Variants in MAP4 observed in about 807,000 individuals in gnomAD.
MAP4 encodes the protein microtubule associated protein 4.
In MAP4, 76 loss-of-function variants were observed where a neutral mutation model predicts 170.2. That is an observed-to-expected ratio of 0.45 (90% CI 0.37 to 0.54). MAP4 has a LOEUF of 0.54. Among genes scored for constraint, MAP4 ranks in the 20% least tolerant of loss-of-function variants. MAP4 has a pLI of 0.00. For missense variants in MAP4, 2,506 were observed against 2,748.0 expected (o/e 0.91, Z 1.97); for synonymous variants, 909 against 994.5 (o/e 0.91, Z 1.62).
intron 1 of MAP4, among the ~76,000 whole-genome samples, chr3:48,079,668 A>C (rs1424964194): frequency 3.0e-5 from 4 of 135,324 alleles, no homozygotes; most frequent in Admixed American, 1.5e-4. Context: ...AAGAAAAAAA[A>C]AGCCGGGTGC....
Position 47,870,804 on chromosome 3 carries a change from T to C in MAP4, c.6294+9A>G, listed in dbSNP as rs2090320161. 6.5e-7 allele frequency: 1 copy of C among 1,538,182 alleles called. No individual in the cohort carries two copies. Among genetic ancestry groups the C allele is most frequent in the South Asian group, 1.3e-5 (1 of 78,814 alleles). ...CAGCATGCCAGGACCCCAAGCTCCC[T>C]GGACCCACCCGGCCTCCTCCAGGCT... On this transcript the variant is annotated intron_variant, in intron 15 of 20. Coordinates refer to ENST00000683076, the MANE Select transcript of MAP4 (RefSeq NM_001385682.1).
intron 6 of MAP4, among the ~76,000 whole-genome samples, chr3:47,917,609 A>C (rs553107082): frequency 7.1e-4 from 107 of 151,656 alleles, no homozygotes; most frequent in Non-Finnish European, 1.3e-3. Flanking sequence ...AAAAAAGAAG[A>C]AGAAGCTAAT....
rs1011855972 is a variant in MAP4, at chr3:48,062,207, G to A, written c.-20+26566C>T. On this transcript the variant is annotated intron_variant, in intron 1 of 18. Coordinates refer to the MAP4 transcript ENST00000360240. ...TGATCTATGACCTTACCCCCAACCC[G>A]GTGCTCTCTGAAACATGTGCTGTGT... Among the ~76,000 whole-genome samples, 967 of 151,636 alleles carry A rather than the reference G, an allele frequency of 6.4e-3. 3 individuals carry two copies. Among genetic ancestry groups the A allele is most frequent in the Non-Finnish European group, 9.6e-3 (650 of 67,792 alleles).
chr3:47,896,703 AAAAAC>A (rs1323974785), intron 10 of MAP4, among the ~76,000 whole-genome samples: 3 of 152,234 alleles, frequency 2.0e-5, no homozygotes, highest in Non-Finnish European at 4.4e-5. Context: ...AAAGACAGAC[AAAAAC>A]AAAACAAAAC....
chr3:48,051,724 C>A (rs1372051768), intron 1 of MAP4, among the ~76,000 whole-genome samples: 1 of 152,176 alleles, frequency 6.6e-6, no homozygotes, highest in Non-Finnish European at 1.5e-5. Context: ...AGGCTCTAGA[C>A]TAGGGTTCAT....
At chr3:48,062,059 G>C (rs1428274978) in intron 1 of MAP4, among the ~76,000 whole-genome samples, 3 of 152,194 alleles carry the variant, frequency 2.0e-5, no homozygotes, top group African/African-American at 4.8e-5. Flanking sequence ...GAGTAGAAAG[G>C]GGGGAAATGT....
chr3:48,045,526 A>G (rs1367924190), intron 1 of MAP4, among the ~76,000 whole-genome samples: 1 of 152,108 alleles, frequency 6.6e-6, no homozygotes, highest in Middle Eastern at 3.2e-3. Context: ...TCTGAGGTGG[A>G]AGAGTTTTAT....
chr3:48,033,512 G>T (rs1323642832), intron 1 of MAP4, among the ~76,000 whole-genome samples: 1 of 152,016 alleles, frequency 6.6e-6, no homozygotes, highest in Non-Finnish European at 1.5e-5. Context: ...TTTAATTGAA[G>T]TGAAGTTTAC....
At chr3:48,004,682 G>A (rs537025284) in intron 1 of MAP4, among the ~76,000 whole-genome samples, 1 of 152,318 alleles carries the variant, frequency 6.6e-6, no homozygotes, top group East Asian at 1.9e-4. Flanking sequence ...CTGCTAAAGT[G>A]AGGGCATTGA....
intron 10 of MAP4, chr3:47,891,729 TGATTGGCG>T: frequency 6.5e-7 from 1 of 1,536,616 alleles, no homozygotes; most frequent in Non-Finnish European, 8.7e-7. Flanking sequence ...AACACCATAG[TGATTGGCG>T]GAATGGTGGT....
intron 1 of MAP4, among the ~76,000 whole-genome samples, chr3:48,069,934 T>C (rs890148195): frequency 6.6e-6 from 1 of 152,120 alleles, no homozygotes; most frequent in South Asian, 2.1e-4. Context: ...AAGTGTGAGA[T>C]TATCCCTTTT....
At chr3:47,953,495 C>G (rs1039250682) in intron 3 of MAP4, among the ~76,000 whole-genome samples, 2 of 152,166 alleles carry the variant, frequency 1.3e-5, no homozygotes, top group Non-Finnish European at 2.9e-5. Context: ...GCACTCCAGC[C>G]TGAGTGACCG....
At chr3:48,030,486 A>T (rs1197732605) in intron 1 of MAP4, among the ~76,000 whole-genome samples, 3 of 21,402 alleles carry the variant, frequency 1.4e-4, no homozygotes, top group East Asian at 5.7e-3. Flanking sequence ...AAATAAAAAT[A>T]AAAAAAAAAA....
At chr3:47,997,221 T>C (rs1040759052) in intron 2 of MAP4, among the ~76,000 whole-genome samples, 8 of 150,178 alleles carry the variant, frequency 5.3e-5, no homozygotes, top group African/African-American at 2.0e-4. Flanking sequence ...TGGCCAAAAA[T>C]TTCCCAGCTG....
chr3:48,030,490 A>T (rs1017423301), intron 1 of MAP4, among the ~76,000 whole-genome samples: 7 of 151,802 alleles, frequency 4.6e-5, no homozygotes, highest in African/African-American at 1.7e-4. Flanking sequence ...AAAAATAAAA[A>T]AAAAAAAACA....
At chr3:48,046,838 T>C (rs1426454106) in intron 1 of MAP4, among the ~76,000 whole-genome samples, 1 of 152,158 alleles carries the variant, frequency 6.6e-6, no homozygotes, top group African/African-American at 2.4e-5. Context: ...CTCACGCCTG[T>C]AATCCCAGCA....
intron 3 of MAP4, among the ~76,000 whole-genome samples, chr3:47,944,382 C>T (rs936402308): frequency 6.6e-6 from 1 of 152,008 alleles, no homozygotes; most frequent in African/African-American, 2.4e-5. Flanking sequence ...GTTATACATA[C>T]TTTCTTTTCC....
chr3:47,866,498 G>A (rs1013434152), intron 17 of MAP4, among the ~76,000 whole-genome samples: 9 of 151,988 alleles, frequency 5.9e-5, no homozygotes, highest in Admixed American at 1.3e-4. Context: ...TTTCATGCCT[G>A]TAATCCCAGC....
intron 9 of MAP4, among the ~76,000 whole-genome samples, chr3:47,908,223 G>C (rs2100034172): frequency 6.6e-6 from 1 of 151,838 alleles, no homozygotes; most frequent in Non-Finnish European, 1.5e-5. Flanking sequence ...TGGGGGTGGG[G>C]GGAAACGGGG....
Sources: gnomAD v4.1 joint callset for allele counts (sites outside exome capture counted in the v4.1 genomes callset) on GRCh38, gnomAD v4.1.1 for gene constraint, MANE v1.5 for transcripts, NCBI Gene and HGNC (gene_info 2026-07-23, HGNC 2026-07-21) for gene names.